CNTNAP2: variants seen among roughly 807,000 people sequenced by gnomAD.
The protein encoded by CNTNAP2 is contactin associated protein 2, also known as contactin-associated protein-like 2.
CNTNAP2 carries 98 observed loss-of-function variants against 155.2 expected under a neutral mutation model. The observed-to-expected ratio is 0.63, with a 90% CI of 0.54 to 0.75. The LOEUF (loss-of-function observed/expected upper bound fraction) is 0.75. Among genes scored for constraint, CNTNAP2 ranks in the 30% least tolerant of loss-of-function variants. The pLI, the probability that CNTNAP2 is intolerant of heterozygous loss-of-function variation, is 0.00. For missense variants in CNTNAP2, 1,727 were observed against 1,688.1 expected, an observed-to-expected ratio of 1.02 and a Z score of -0.40; for synonymous variants, 651 against 631.2, an observed-to-expected ratio of 1.03 and a Z score of -0.47.
At position 146,763,517 on chromosome 7, in the gene CNTNAP2, G is replaced by T. The variant is rs1802141033; in HGVS notation, c.98-10754G>T. Among the ~76,000 whole-genome samples the T allele has an allele frequency of 2.0e-5, 3 of 152,122 alleles. No homozygotes were observed. The South Asian group carries it at 6.2e-4, about 32-fold the overall frequency. ...GTTCACTGTTGTCCCCCAACTGTAG[G>T]CACTCTATAAATTGTCATTGAAGGA... On this transcript the variant is annotated intron_variant, in intron 1 of 23. Coordinates refer to ENST00000361727, the MANE Select transcript of CNTNAP2 (RefSeq NM_014141.6).
chr7:147,903,721 G>T lies in CNTNAP2; in HGVS notation c.2255G>T (p.Trp752Leu), dbSNP rs781114450. The change falls in exon 14 of 24, where the codon TGG (tryptophan) becomes TTG (leucine). Residue 752 changes from tryptophan to leucine, a missense_variant and splice_region_variant. Trp to Leu is a moderately conservative substitution (Grantham distance 61, BLOSUM62 -2). Coordinates refer to ENST00000361727, the MANE Select transcript of CNTNAP2 (RefSeq NM_014141.6). ...YCNCDADYKQWRKDAGFLSYK... is the reference protein window; with the variant it reads ...YCNCDADYKQLRKDAGFLSYK... ...AACTGCGACGCGGACTACAAGCAATGGTGAGTGCCTGCGGGCAGCACAGCC... is the reference window on the plus strand; with the variant it reads ...AACTGCGACGCGGACTACAAGCAATTGTGAGTGCCTGCGGGCAGCACAGCC... The T allele has an allele frequency of 9.3e-6, 15 of 1,613,408 alleles. No individual in the cohort carries two copies. Among genetic ancestry groups the T allele is most frequent in the Admixed American group, 1.7e-5 (1 of 59,936 alleles).
chr7:148,390,091 A>AAATACTGCCCAAAACAT (rs1799313331), intron 22 of CNTNAP2, among the ~76,000 whole-genome samples: 1 of 152,190 alleles, frequency 6.6e-6, no homozygotes, highest in Middle Eastern at 3.2e-3. Flanking sequence ...CTGAATACCC[A>AAATACTGCCCAAAACAT]AATACTGCCC....
At chr7:147,220,148 T>G (rs991589527) in intron 8 of CNTNAP2, among the ~76,000 whole-genome samples, 1 of 152,036 alleles carries the variant, frequency 6.6e-6, no homozygotes, top group Non-Finnish European at 1.5e-5. Flanking sequence ...GATTAAGTTT[T>G]CAACACATAC....
At chr7:146,691,163 A>G (rs2131933) in intron 1 of CNTNAP2, among the ~76,000 whole-genome samples, 15,256 of 151,662 alleles carry the variant, frequency 0.1, 1,753 homozygotes, top group African/African-American at 0.28. Flanking sequence ...TAATATTTCC[A>G]TTGGGTAATC....
At chr7:147,420,724 G>A (rs534865469) in intron 10 of CNTNAP2, among the ~76,000 whole-genome samples, 9 of 152,120 alleles carry the variant, frequency 5.9e-5, no homozygotes, top group Non-Finnish European at 1.2e-4. Context: ...GATTTTATAT[G>A]GTGTAGGATT....
At chr7:146,386,789 T>G (rs1795468034) in intron 1 of CNTNAP2, among the ~76,000 whole-genome samples, 3 of 152,218 alleles carry the variant, frequency 2.0e-5, no homozygotes, top group Admixed American at 2.0e-4. Flanking sequence ...TTCCAAAAAT[T>G]TTAGCAGTAT....
Position 147,902,796 on chromosome 7 carries a change from G to GTGTGTGTA in CNTNAP2, c.2099-762_2099-761insATGTGTGT, listed in dbSNP as rs1554447658. Among the ~76,000 whole-genome samples the GTGTGTGTA allele has an allele frequency of 5.8e-5, 8 of 137,920 alleles. No individual in the cohort carries two copies. The East Asian group carries it at 7.1e-4, about 12-fold the overall frequency. 90.5% of individuals were successfully genotyped at this position (137,920 alleles called of 152,430 possible). ...TATATGTTTGTGTGTGTGTGTGTGTGTGTGTGTGTGTGTGTGTATGTGTGT... is the reference window on the plus strand; with the variant it reads ...TATATGTTTGTGTGTGTGTGTGTGTGTGTGTGTATGTGTGTGTGTGTGTGTATGTGTGT... On this transcript the variant is annotated intron_variant, in intron 13 of 23. Coordinates refer to ENST00000361727, the MANE Select transcript of CNTNAP2 (RefSeq NM_014141.6).
chr7:147,377,540 C>T (rs554535922), intron 9 of CNTNAP2, among the ~76,000 whole-genome samples: 2 of 151,988 alleles, frequency 1.3e-5, no homozygotes, highest in African/African-American at 2.4e-5. Context: ...TTCTTTGACA[C>T]ACATCCTTTA....
chr7:147,829,168 G>A (rs371958322), intron 13 of CNTNAP2, among the ~76,000 whole-genome samples: 18 of 151,984 alleles, frequency 1.2e-4, no homozygotes, highest in African/African-American at 3.9e-4. Flanking sequence ...TTTTTTTTCA[G>A]GTGGCCCTCT....
chr7:147,787,457 G>A (rs192812174), intron 13 of CNTNAP2, among the ~76,000 whole-genome samples: 3 of 152,324 alleles, frequency 2.0e-5, no homozygotes, highest in Admixed American at 6.5e-5. Context: ...TGTTTGAAGC[G>A]ATTCCAAAAT....
At chr7:147,573,344 A>C (rs904274558) in intron 12 of CNTNAP2, among the ~76,000 whole-genome samples, 3 of 152,226 alleles carry the variant, frequency 2.0e-5, no homozygotes, top group Admixed American at 1.3e-4. Flanking sequence ...TTTCTGAACA[A>C]AATCAGCATT....
At chr7:148,273,432 T>C (rs1796817623) in intron 21 of CNTNAP2, among the ~76,000 whole-genome samples, 1 of 152,246 alleles carries the variant, frequency 6.6e-6, no homozygotes, top group Non-Finnish European at 1.5e-5. Flanking sequence ...CTGTGAGTTG[T>C]GTAATTACAT....
intron 3 of CNTNAP2, among the ~76,000 whole-genome samples, chr7:146,872,193 T>C (rs1385491767): frequency 6.8e-6 from 1 of 147,312 alleles, no homozygotes; most frequent in African/African-American, 2.5e-5. Flanking sequence ...TTTTGGTAAA[T>C]TGAATTCTTC....
At chr7:148,361,194 G>A (rs1177945) in intron 21 of CNTNAP2, among the ~76,000 whole-genome samples, 46,947 of 152,092 alleles carry the variant, frequency 0.31, 7,895 homozygotes, top group Non-Finnish European at 0.39. Flanking sequence ...AGGGGAGATT[G>A]AAGCTTGCAC....
chr7:146,393,582 G>A (rs1795576960), intron 1 of CNTNAP2, among the ~76,000 whole-genome samples: 2 of 152,094 alleles, frequency 1.3e-5, no homozygotes, highest in South Asian at 4.1e-4. Flanking sequence ...ATTCTCTAAT[G>A]GAGCCTCCCT....
intron 1 of CNTNAP2, among the ~76,000 whole-genome samples, chr7:146,151,526 A>G (rs1256272269): frequency 6.7e-6 from 1 of 149,082 alleles, no homozygotes; most frequent in Non-Finnish European, 1.5e-5. Flanking sequence ...TTCCCTTAGC[A>G]TAATGTTCTC....
At chr7:146,963,202 G>A (rs1230104180) in intron 3 of CNTNAP2, 4 of 152,134 alleles carry the variant, frequency 2.6e-5, no homozygotes, top group Admixed American at 1.3e-4. Flanking sequence ...AAAAATGATC[G>A]ACAAAAGTTG....
At chr7:147,242,827 C>T (rs906515935) in intron 8 of CNTNAP2, among the ~76,000 whole-genome samples, 1 of 151,956 alleles carries the variant, frequency 6.6e-6, no homozygotes. Context: ...TAACAATTCT[C>T]CTTTCCTTAC....
At chr7:147,579,121 T>A (rs1192106841) in intron 12 of CNTNAP2, among the ~76,000 whole-genome samples, 2 of 152,104 alleles carry the variant, frequency 1.3e-5, no homozygotes, top group Non-Finnish European at 2.9e-5. Flanking sequence ...TGTTCTTTTT[T>A]AAATGTAATG....
Sources: gnomAD v4.1 joint callset for allele counts (sites outside exome capture counted in the v4.1 genomes callset) on GRCh38, gnomAD v4.1.1 for gene constraint, MANE v1.5 for transcripts, NCBI Gene and HGNC (gene_info 2026-07-23, HGNC 2026-07-21) for gene names.